Variants in AGBL1 observed in about 807,000 individuals in gnomAD.
AGBL1 encodes AGBL carboxypeptidase 1, also known as cytosolic carboxypeptidase 4.
Under a neutral mutation model 118.9 loss-of-function variants are expected in AGBL1, and 130 were observed. The ratio of observed to expected loss-of-function variants is 1.09; its 90% confidence interval spans 0.95 to 1.26. The LOEUF (loss-of-function observed/expected upper bound fraction) is 1.26. Among genes scored for constraint, AGBL1 ranks in the 50% most tolerant of loss-of-function variants. AGBL1 has a pLI of 0.00. For synonymous variants in AGBL1, 555 were observed against 478.9 expected (o/e 1.16, Z -2.08); for missense variants, 1,584 against 1,298.1 (o/e 1.22, Z -3.38).
chr15:86,855,114 C>A (rs925955594), intron 22 of AGBL1, among the ~76,000 whole-genome samples: 3 of 152,192 alleles, frequency 2.0e-5, no homozygotes, highest in Non-Finnish European at 4.4e-5. Context: ...GTTACTGCAT[C>A]ATTTTTACCA....
intron 22 of AGBL1, among the ~76,000 whole-genome samples, chr15:86,844,000 T>C (rs1472895618): frequency 6.6e-6 from 1 of 152,180 alleles, no homozygotes; most frequent in East Asian, 1.9e-4. Flanking sequence ...TGTAGTCTTC[T>C]GGCTTCCTTC....
At chr15:86,176,010 G>C (rs1471511848) in intron 5 of AGBL1, among the ~76,000 whole-genome samples, 5 of 152,178 alleles carry the variant, frequency 3.3e-5, no homozygotes, top group African/African-American at 1.2e-4. Context: ...GTGTTCTCAG[G>C]TGCAGTCTAA....
chr15:86,594,461 C>G (rs896001611), intron 21 of AGBL1, among the ~76,000 whole-genome samples: 2 of 152,064 alleles, frequency 1.3e-5, no homozygotes, highest in African/African-American at 4.8e-5. Context: ...ATTAAGTAAA[C>G]TGAAGAATAT....
intron 17 of AGBL1, among the ~76,000 whole-genome samples, chr15:86,351,324 T>A (rs752749860): frequency 2.0e-5 from 3 of 152,168 alleles, no homozygotes; most frequent in Admixed American, 6.5e-5. Flanking sequence ...GCAAAGTCCT[T>A]ATGGCCTTAT....
chr15:86,420,541 A>G (rs2081773108), intron 18 of AGBL1, among the ~76,000 whole-genome samples: 1 of 152,156 alleles, frequency 6.6e-6, no homozygotes, highest in African/African-American at 2.4e-5. Context: ...AATTCCAAAA[A>G]CCAGAATGCC....
At chr15:86,207,931 TATG>T (rs1031059373) in intron 5 of AGBL1, among the ~76,000 whole-genome samples, 2 of 152,248 alleles carry the variant, frequency 1.3e-5, no homozygotes, top group African/African-American at 4.8e-5. Context: ...GCCCATTCAG[TATG>T]ATATTGGCTG....
chr15:86,217,126 C>T lies in AGBL1; in HGVS notation c.489-7788C>T, dbSNP rs1369738366. ...TTGTTTTTTCTTTTTTTCCCCATGG[C>T]ATTTATCACATCTAAGAATACTAAT... On this transcript the variant is annotated intron_variant, in intron 5 of 22. Transcript: ENST00000614907. Among the ~76,000 whole-genome samples the T allele has an allele frequency of 2.0e-5, 3 of 152,178 alleles. No homozygotes were observed. In the East Asian group the frequency reaches 5.8e-4, roughly 29 times the overall value.
intron 21 of AGBL1, among the ~76,000 whole-genome samples, chr15:86,627,042 C>T (rs1051277655): frequency 6.6e-6 from 1 of 151,430 alleles, no homozygotes; most frequent in Non-Finnish European, 1.5e-5. Flanking sequence ...CTCTTGTTGC[C>T]CAGGCTGGAA....
At chr15:86,565,330 T>C (rs2083896945) in intron 21 of AGBL1, among the ~76,000 whole-genome samples, 1 of 152,248 alleles carries the variant, frequency 6.6e-6, no homozygotes, top group African/African-American at 2.4e-5. Context: ...CCTTTCTGTT[T>C]GTTAGTTTTC....
chr15:86,346,130 G>A (rs1230015144), intron 17 of AGBL1, among the ~76,000 whole-genome samples: 1 of 148,700 alleles, frequency 6.7e-6, no homozygotes, highest in African/African-American at 2.5e-5. Context: ...TTACAGGCGT[G>A]TGCCACCATA....
rs2080947774 is a variant in AGBL1 at position 86,957,938 on chromosome 15, A to G, written c.3222-30049A>G. On this transcript the variant is annotated intron_variant, in intron 23 of 24. Transcript: ENST00000441037. Reference sequence around the variant, plus strand: ...TGTTTGAGGCCAGGCACGGTGGCTCACACCTATAATTCCTGCACTTTTAGA... The same window carrying G: ...TGTTTGAGGCCAGGCACGGTGGCTCGCACCTATAATTCCTGCACTTTTAGA... Among the ~76,000 whole-genome samples the G allele has an allele frequency of 3.3e-5, 5 of 152,266 alleles. No homozygotes were observed. In the South Asian group the frequency reaches 1.0e-3, roughly 32 times the overall value.
chr15:86,318,626 ATCACTGAGCCTT>A (rs1007434667), intron 17 of AGBL1, among the ~76,000 whole-genome samples: 7 of 151,982 alleles, frequency 4.6e-5, no homozygotes, highest in Non-Finnish European at 7.4e-5. Context: ...AGAATAGAGA[ATCACTGAGCCTT>A]TCAAAGGGGA....
intron 18 of AGBL1, among the ~76,000 whole-genome samples, chr15:86,459,382 T>C (rs2082301811): frequency 6.6e-6 from 1 of 152,128 alleles, no homozygotes. Context: ...CAAATGTTCA[T>C]TTGTCCCCAA....
intron 1 of AGBL1, among the ~76,000 whole-genome samples, chr15:86,132,400 G>A (rs767505785): frequency 2.0e-5 from 3 of 152,126 alleles, no homozygotes; most frequent in Non-Finnish European, 4.4e-5. Context: ...GGAAGAAGGC[G>A]GCAACCCATT....
chr15:86,161,442 A>T (rs1178887027), intron 5 of AGBL1, among the ~76,000 whole-genome samples: 6 of 152,222 alleles, frequency 3.9e-5, no homozygotes, highest in Non-Finnish European at 7.3e-5. Context: ...GTTAAGTAAC[A>T]TGCTGGGTTT....
rs143522856 is a variant in AGBL1 at position 86,427,564 on chromosome 15, A to C, written c.2555+30018A>C. On this transcript the variant is annotated intron_variant, in intron 18 of 22. Transcript: ENST00000614907. ...AATTTTAGTGCATGGTTACAAAAAA[A>C]AAAAAAGGACACCTATTGGCATTTA... is the stretch of plus-strand genomic sequence containing the variant. Among the ~76,000 whole-genome samples, 97 of 152,150 alleles carry C rather than the reference A, an allele frequency of 6.4e-4. No individual in the cohort carries two copies. In the East Asian group the frequency reaches 0.017, roughly 27 times the overall value.
intron 22 of AGBL1, among the ~76,000 whole-genome samples, chr15:86,754,160 CTAT>C (rs1317983019): frequency 6.6e-6 from 1 of 152,036 alleles, no homozygotes; most frequent in Non-Finnish European, 1.5e-5. Context: ...GATTTAAACA[CTAT>C]TATTTTAAAA....
chr15:86,931,998 G>A (rs112042071), intron 23 of AGBL1, among the ~76,000 whole-genome samples: 6 of 152,300 alleles, frequency 3.9e-5, no homozygotes, highest in African/African-American at 1.2e-4. Flanking sequence ...AGGACAAAAT[G>A]AATGTAATTG....
At chr15:86,740,513 A>C (rs868760674) in intron 22 of AGBL1, among the ~76,000 whole-genome samples, 3 of 152,356 alleles carry the variant, frequency 2.0e-5, no homozygotes, top group East Asian at 3.9e-4. Flanking sequence ...AGATGATCCA[A>C]AATTGTCCCT....
Sources: gnomAD v4.1 joint callset for allele counts (sites outside exome capture counted in the v4.1 genomes callset) on GRCh38, gnomAD v4.1.1 for gene constraint, MANE v1.5 for transcripts, NCBI Gene and HGNC (gene_info 2026-07-23, HGNC 2026-07-21) for gene names.